CCDC171: variants seen among roughly 807,000 people sequenced by gnomAD.
The protein encoded by CCDC171 is coiled-coil domain-containing protein 171.
CCDC171 carries 177 observed loss-of-function variants against 168.2 expected under a neutral mutation model. That is an observed-to-expected ratio of 1.05 (90% CI 0.93 to 1.19). CCDC171 has a LOEUF of 1.19. CCDC171 is among the 50% of genes most tolerant of loss of function. The pLI is 0.00. For synonymous variants in CCDC171, 687 were observed against 540.8 expected, an observed-to-expected ratio of 1.27 and a Z score of -3.75; for missense variants, 1,991 against 1,539.0, an observed-to-expected ratio of 1.29 and a Z score of -4.91.
intron 21 of CCDC171, among the ~76,000 whole-genome samples, chr9:15,786,090 G>T (rs1317231726): frequency 6.6e-6 from 1 of 152,066 alleles, no homozygotes; most frequent in Non-Finnish European, 1.5e-5. Context: ...GTATTTTAGA[G>T]TATGTTTTTC....
rs578011618 is a variant in CCDC171, at chr9:15,723,966, G to GC, written c.1491+220_1491+221insC. Among the ~76,000 whole-genome samples, 14 of 152,030 alleles carry GC rather than the reference G, an allele frequency of 9.2e-5. No individual in the cohort carries two copies. In the South Asian group the frequency reaches 2.5e-3, roughly 27 times the overall value. ...CTGATTGGAAATTATTTTGGTTAAA[G>GC]GAAAATTTATTTCCCAGATTTAATT... On this transcript the variant is annotated intron_variant, in intron 13 of 25. Coordinates refer to ENST00000380701, the MANE Select transcript of CCDC171 (RefSeq NM_173550.4).
rs534704995 is a variant in CCDC171 at position 15,559,639 on chromosome 9, A to G, written c.-111-4339A>G. 9.9e-4 allele frequency among the ~76,000 whole-genome samples: 150 copies of G among 152,162 alleles called. 1 individual carries two copies. The highest frequency in any genetic ancestry group is 1.0e-3 in the South Asian group (5 of 4,816). On this transcript the variant is annotated intron_variant, in intron 1 of 25. Transcript: ENST00000380701. Reference sequence around the variant, plus strand: ...GCCTATGTGTGTCTCTGCACGTGAGATAGGTCTCCTCAGTACAGCACACTG... The same window carrying G: ...GCCTATGTGTGTCTCTGCACGTGAGGTAGGTCTCCTCAGTACAGCACACTG...
rs971983186 is a variant in CCDC171 at position 15,633,129 on chromosome 9, G to A, written c.822+9716G>A. Among the ~76,000 whole-genome samples the A allele has an allele frequency of 7.2e-5, 11 of 152,014 alleles. No homozygotes were observed. In the South Asian group the frequency reaches 8.3e-4, roughly 11 times the overall value. ...AGGCATGGGCAAGGACTTCATGTCT[G>A]AAACACCAAAAGCAATGGCAAGAAA... On this transcript the variant is annotated intron_variant, in intron 7 of 25. Transcript: ENST00000380701.
intron 9 of CCDC171, among the ~76,000 whole-genome samples, chr9:15,674,833 T>G (rs2049398381): frequency 6.6e-6 from 1 of 152,178 alleles, no homozygotes; most frequent in Non-Finnish European, 1.5e-5. Context: ...GAATGTATAT[T>G]CTGTTGATTT....
intron 11 of CCDC171, among the ~76,000 whole-genome samples, chr9:15,716,057 C>T (rs2053061993): frequency 1.3e-5 from 2 of 152,162 alleles, no homozygotes; most frequent in Admixed American, 6.5e-5. Context: ...CCCAGTGACC[C>T]AGTCAGGTTG....
At chr9:15,990,806 A>C (rs932196499) in intron 3 of CCDC171, among the ~76,000 whole-genome samples, 1 of 152,238 alleles carries the variant, frequency 6.6e-6, no homozygotes, top group Non-Finnish European at 1.5e-5. Flanking sequence ...CTTTAAGCCA[A>C]CAAAGATCAA....
intron 24 of CCDC171, among the ~76,000 whole-genome samples, chr9:15,898,978 G>C (rs1416764262): frequency 6.6e-6 from 1 of 152,074 alleles, no homozygotes; most frequent in Non-Finnish European, 1.5e-5. Flanking sequence ...CCCCTGTCCT[G>C]CCATCATCCC....
At chr9:15,878,870 A>G (rs1818219864) in intron 24 of CCDC171, among the ~76,000 whole-genome samples, 1 of 152,166 alleles carries the variant, frequency 6.6e-6, no homozygotes, top group South Asian at 2.1e-4. Flanking sequence ...GCAATCTAAC[A>G]CGGGAACAGA....
intron 24 of CCDC171, among the ~76,000 whole-genome samples, chr9:15,879,315 G>A (rs1028134802): frequency 6.6e-6 from 1 of 151,498 alleles, no homozygotes; most frequent in African/African-American, 2.4e-5. Context: ...CTTTTTATTG[G>A]TATGTAATAG....
intron 9 of CCDC171, among the ~76,000 whole-genome samples, chr9:15,673,151 C>A (rs149365612): frequency 2.4e-4 from 36 of 151,262 alleles, no homozygotes; most frequent in African/African-American, 8.3e-4. Context: ...AATTGGCTGT[C>A]TGTCTGTTAT....
intron 18 of CCDC171, among the ~76,000 whole-genome samples, chr9:15,768,083 G>C (rs2056830488): frequency 6.7e-6 from 1 of 149,590 alleles, no homozygotes; most frequent in African/African-American, 2.5e-5. Flanking sequence ...CCCATGTATA[G>C]CCAGGGCTTT....
intron 6 of CCDC171, among the ~76,000 whole-genome samples, chr9:16,025,367 AG>A (rs113590088): frequency 3.3e-5 from 5 of 152,236 alleles, no homozygotes; most frequent in African/African-American, 1.2e-4. Flanking sequence ...GCTTGAAACC[AG>A]TAGGGATCCC....
In CCDC171 at chr9:15,582,425, G is replaced by A. The variant is rs181447955; in HGVS notation, c.352+3402G>A. 8.0e-4 allele frequency among the ~76,000 whole-genome samples: 121 copies of A among 152,198 alleles called. 1 individual carries two copies. Among genetic ancestry groups the A allele is most frequent in the African/African-American group, 2.7e-3 (114 of 41,514 alleles). On this transcript the variant is annotated intron_variant, in intron 4 of 25. Coordinates refer to ENST00000380701, the MANE Select transcript of CCDC171 (RefSeq NM_173550.4). ...TACCATTTGACCCAGCCATCCCATT[G>A]CTGGGTATATACCCAAAGGATTATA...
At chr9:15,902,281 T>TACATAC (rs1554673438) in intron 24 of CCDC171, among the ~76,000 whole-genome samples, 2 of 145,160 alleles carry the variant, frequency 1.4e-5, no homozygotes, top group African/African-American at 5.1e-5. Context: ...TATATATATA[T>TACATAC]ACACACACAC....
chr9:15,653,840 C>G (rs2047718867), intron 7 of CCDC171, among the ~76,000 whole-genome samples: 1 of 151,936 alleles, frequency 6.6e-6, no homozygotes, highest in Admixed American at 6.6e-5. Context: ...TGGTCTCAAA[C>G]TCTTGGCCCC....
At chr9:15,954,471 A>G (rs997971287) in intron 25 of CCDC171, among the ~76,000 whole-genome samples, 5 of 151,826 alleles carry the variant, frequency 3.3e-5, no homozygotes, top group African/African-American at 9.7e-5. Context: ...AAATTCCACA[A>G]TTTTGTGAAC....
chr9:15,939,547 T>C (rs1232142901), intron 25 of CCDC171, among the ~76,000 whole-genome samples: 2 of 151,768 alleles, frequency 1.3e-5, no homozygotes, highest in Non-Finnish European at 2.9e-5. Flanking sequence ...CATGAAAAAG[T>C]ATAGGGTAGT....
chr9:15,781,097 AAAACTGG>A (rs1222072689), intron 20 of CCDC171, among the ~76,000 whole-genome samples: 1 of 152,222 alleles, frequency 6.6e-6, no homozygotes, highest in African/African-American at 2.4e-5. Flanking sequence ...GGCTTTTGTA[AAAACTGG>A]AAAATTCCTT....
intron 25 of CCDC171, among the ~76,000 whole-genome samples, chr9:15,952,650 G>A (rs1829332773): frequency 6.6e-6 from 1 of 152,104 alleles, no homozygotes; most frequent in Admixed American, 6.6e-5. Context: ...ACCTGCCTTG[G>A]CCTCTCAAAG....
Sources: gnomAD v4.1 joint callset for allele counts (sites outside exome capture counted in the v4.1 genomes callset) on GRCh38, gnomAD v4.1.1 for gene constraint, MANE v1.5 for transcripts, NCBI Gene and HGNC (gene_info 2026-07-23, HGNC 2026-07-21) for gene names.